EDIL3: variants seen among roughly 807,000 people sequenced by gnomAD.
EDIL3 encodes EGF like and discoidin domains 3.
A neutral mutation model predicts 67.4 loss-of-function variants in EDIL3; 37 were observed. The observed-to-expected ratio is 0.55, with a 90% confidence interval of 0.42 to 0.72. The LOEUF (loss-of-function observed/expected upper bound fraction) is 0.72, where lower values mean the gene tolerates loss of function less well. Ranked by LOEUF, EDIL3 falls within the 30% of genes least tolerant of loss-of-function variation. EDIL3 has a pLI of 0.00. For synonymous variants in EDIL3, 195 were observed against 196.3 expected (o/e 0.99, Z 0.05); for missense variants, 527 against 586.3 (o/e 0.90, Z 1.04).
chr5:84,382,347 C>T (rs1440764530), intron 1 of EDIL3, among the ~76,000 whole-genome samples: 2 of 152,158 alleles, frequency 1.3e-5, no homozygotes, highest in African/African-American at 4.8e-5. Context: ...GGAGACAGAG[C>T]TCCTGGCTGC....
chr5:84,330,100 T>C (rs751569969), intron 1 of EDIL3, among the ~76,000 whole-genome samples: 38 of 152,272 alleles, frequency 2.5e-4, no homozygotes, highest in Non-Finnish European at 4.7e-4. Context: ...TAGATAGTTA[T>C]TAAGTTCGAA....
chr5:84,367,372 T>G (rs569660585), intron 1 of EDIL3, among the ~76,000 whole-genome samples: 1 of 152,232 alleles, frequency 6.6e-6, no homozygotes, highest in East Asian at 1.9e-4. Context: ...TAACAACTTT[T>G]AACAAACATA....
intron 1 of EDIL3, among the ~76,000 whole-genome samples, chr5:84,265,616 AATCTCT>A (rs1219729360): frequency 6.6e-6 from 1 of 152,230 alleles, no homozygotes; most frequent in African/African-American, 2.4e-5. Context: ...AATTCCAAAG[AATCTCT>A]AAAGTTCTAT....
At chr5:84,047,095 A>G (rs1746237568) in intron 9 of EDIL3, among the ~76,000 whole-genome samples, 1 of 152,192 alleles carries the variant, frequency 6.6e-6, no homozygotes, top group Admixed American at 6.5e-5. Flanking sequence ...AAAAGTATAA[A>G]GTCATTTAAA....
intron 9 of EDIL3, among the ~76,000 whole-genome samples, chr5:84,058,182 T>C (rs1746481596): frequency 6.6e-6 from 1 of 152,070 alleles, no homozygotes; most frequent in Admixed American, 6.6e-5. Flanking sequence ...TAGTACTTGG[T>C]TTGAGTACAA....
At chr5:84,080,298 C>CAAACAAAAAAAAAA (rs1746941188) in intron 6 of EDIL3, among the ~76,000 whole-genome samples, 1 of 54,284 alleles carries the variant, frequency 1.8e-5, no homozygotes, top group Non-Finnish European at 3.2e-5. Context: ...GACTCTGTCT[C>CAAACAAAAAAAAAA]AAAAAAAAAA....
In EDIL3 at chr5:84,209,013, G is replaced by C. The variant is rs578098861; in HGVS notation, c.226+20842C>G. Among the ~76,000 whole-genome samples the C allele has an allele frequency of 1.2e-4, 19 of 152,196 alleles. 1 individual carries two copies. In the South Asian group the frequency reaches 3.7e-3, roughly 30 times the overall value. On this transcript the variant is annotated intron_variant, in intron 3 of 10. Transcript: ENST00000296591. ...ATGATAGACTGGATTAAGAAAATGT[G>C]GCACATATACACCTTGGAATACTAT...
chr5:84,018,681 C>A (rs1373367411), intron 9 of EDIL3, among the ~76,000 whole-genome samples: 1 of 152,094 alleles, frequency 6.6e-6, no homozygotes, highest in Non-Finnish European at 1.5e-5. Context: ...TCTTATGAGG[C>A]CTGCCTTTCT....
At chr5:84,381,827 G>A (rs1448182422) in intron 1 of EDIL3, among the ~76,000 whole-genome samples, 1 of 152,182 alleles carries the variant, frequency 6.6e-6, no homozygotes, top group Admixed American at 6.5e-5. Flanking sequence ...CAATCTGACT[G>A]ATCCATTGGT....
chr5:84,300,536 A>C (rs984953598), intron 1 of EDIL3, among the ~76,000 whole-genome samples: 1 of 152,218 alleles, frequency 6.6e-6, no homozygotes, highest in African/African-American at 2.4e-5. Context: ...AAAAATGTTT[A>C]ACAACACTGG....
chr5:84,122,163 A>G (rs1747787465), intron 5 of EDIL3, among the ~76,000 whole-genome samples: 1 of 151,932 alleles, frequency 6.6e-6, no homozygotes, highest in African/African-American at 2.4e-5. Flanking sequence ...TGCAACTAAG[A>G]TAAGTAATAT....
chr5:84,323,878 A>G, intron 1 of EDIL3, among the ~76,000 whole-genome samples: 1 of 151,918 alleles, frequency 6.6e-6, no homozygotes, highest in Non-Finnish European at 1.5e-5. Flanking sequence ...AATTATAAAC[A>G]TTTGCAAACC....
rs1481867390 is a variant in EDIL3 at position 84,319,369 on chromosome 5, C to T, written c.67+64939G>A. Reference sequence around the variant, plus strand: ...GTCCCAGCTACTCGGGAGGCTGAGGCAGGAGAATGGCGTGAACCCAGAAGG... The same window carrying T: ...GTCCCAGCTACTCGGGAGGCTGAGGTAGGAGAATGGCGTGAACCCAGAAGG... On this transcript the variant is annotated intron_variant, in intron 1 of 10. Transcript: ENST00000296591. 1.8e-5 allele frequency among the ~76,000 whole-genome samples: 2 copies of T among 108,686 alleles called. 1 individual carries two copies. The highest frequency in any genetic ancestry group is 4.1e-5 in the Non-Finnish European group (2 of 48,964). The allele number at this position is 108,686 out of a possible 152,430, so 71.3% of individuals were successfully genotyped here.
intron 9 of EDIL3, among the ~76,000 whole-genome samples, chr5:84,004,803 C>G (rs1299996366): frequency 4.0e-5 from 6 of 151,806 alleles, no homozygotes; most frequent in African/African-American, 1.5e-4. Flanking sequence ...AAACCAACCC[C>G]AAAGCTAGCA....
At chr5:84,352,146 T>C (rs775286379) in intron 1 of EDIL3, among the ~76,000 whole-genome samples, 27 of 152,068 alleles carry the variant, frequency 1.8e-4, no homozygotes, top group Admixed American at 1.3e-4. Context: ...CAACAGATGT[T>C]GGTGAGGATG....
At chr5:84,248,020 G>A (rs981524885) in intron 2 of EDIL3, among the ~76,000 whole-genome samples, 1 of 151,686 alleles carries the variant, frequency 6.6e-6, no homozygotes, top group Non-Finnish European at 1.5e-5. Context: ...ACATATTTAC[G>A]ACAAAGACCA....
At chr5:84,234,648 C>T (rs962673668) in intron 2 of EDIL3, among the ~76,000 whole-genome samples, 1 of 152,058 alleles carries the variant, frequency 6.6e-6, no homozygotes, top group African/African-American at 2.4e-5. Flanking sequence ...GTGTGGCTTA[C>T]CATCAAATAG....
intron 6 of EDIL3, among the ~76,000 whole-genome samples, chr5:84,097,112 T>C (rs1747278654): frequency 6.6e-6 from 1 of 152,194 alleles, no homozygotes; most frequent in South Asian, 2.1e-4. Context: ...AACAGACTAA[T>C]ACACCAAGTG....
intron 1 of EDIL3, among the ~76,000 whole-genome samples, chr5:84,376,458 T>G (rs1747970511): frequency 6.6e-6 from 1 of 152,196 alleles, no homozygotes; most frequent in Non-Finnish European, 1.5e-5. Context: ...TAGAAGCAGC[T>G]TTTCTTTTAA....
Sources: gnomAD v4.1 joint callset for allele counts (sites outside exome capture counted in the v4.1 genomes callset) on GRCh38, gnomAD v4.1.1 for gene constraint, MANE v1.5 for transcripts, NCBI Gene and HGNC (gene_info 2026-07-23, HGNC 2026-07-21) for gene names.